Variants in NEMP2 observed in about 807,000 individuals in gnomAD.
The protein encoded by NEMP2 is nuclear envelope integral membrane protein 2.
Under a neutral mutation model 54.2 loss-of-function variants are expected in NEMP2, and 53 were observed. The ratio of observed to expected loss-of-function variants is 0.98; its 90% confidence interval spans 0.78 to 1.23. The LOEUF (loss-of-function observed/expected upper bound fraction) is 1.23, where lower values mean the gene tolerates loss of function less well. NEMP2 is among the 50% of genes most tolerant of loss of function. The pLI, the probability that NEMP2 is intolerant of heterozygous loss-of-function variation, is 0.00. For missense variants in NEMP2, 455 were observed against 511.3 expected, an observed-to-expected ratio of 0.89 and a Z score of 1.06; for synonymous variants, 197 against 190.3, an observed-to-expected ratio of 1.04 and a Z score of -0.29.
the NEMP2 span, among the ~76,000 whole-genome samples, chr2:190,430,798 G>GC: frequency 1.9e-3 from 226 of 121,288 alleles, no homozygotes; most frequent in African/African-American, 4.2e-3. Flanking sequence ...GGGCAGAGGC[G>GC]CCCCCCCCAC....
At chr2:190,595,626 T>C in the NEMP2 span, among the ~76,000 whole-genome samples, 4 of 152,190 alleles carry the variant, frequency 2.6e-5, no homozygotes, top group Non-Finnish European at 5.9e-5. This position sits in a 1 kb window ranked among gnomAD's most constrained non-coding sequence, Gnocchi z 4.0. Context: ...AAGACATTTA[T>C]GTGGCCAACA....
chr2:190,497,820 A>C, the NEMP2 span: 306 of 1,370,636 alleles, frequency 2.2e-4, 2 homozygotes, highest in Middle Eastern at 3.6e-3. The surrounding 1 kb of genome is among the most constrained non-coding windows in gnomAD (Gnocchi z 5.2). Context: ...AGATTTATTG[A>C]AAGTCTGGTG....
At chr2:190,587,611 G>C in the NEMP2 span, among the ~76,000 whole-genome samples, 1 of 152,164 alleles carries the variant, frequency 6.6e-6, no homozygotes, top group Non-Finnish European at 1.5e-5. The surrounding 1 kb of genome is among the most constrained non-coding windows in gnomAD (Gnocchi z 5.4). Flanking sequence ...GAAGAGGAAA[G>C]ATGAGTAGTC....
the NEMP2 span, among the ~76,000 whole-genome samples, chr2:190,644,231 A>G: frequency 6.6e-6 from 1 of 152,228 alleles, no homozygotes; most frequent in Non-Finnish European, 1.5e-5. The surrounding 1 kb of genome is among the most constrained non-coding windows in gnomAD (Gnocchi z 4.4). Context: ...ACTGGCACCA[A>G]TTTAAATTTC....
intron 1 of NEMP2, chr2:190,534,222 G>C: frequency 9.2e-7 from 1 of 1,082,804 alleles, no homozygotes; most frequent in Non-Finnish European, 1.1e-6. Flanking sequence ...ACTAGGGTCA[G>C]CTGTGCCAGT....
the NEMP2 span, among the ~76,000 whole-genome samples, chr2:190,482,964 T>C: frequency 7.4e-6 from 1 of 135,836 alleles, no homozygotes; most frequent in Non-Finnish European, 1.5e-5. Flanking sequence ...CAATCTCGGC[T>C]CACTGCAAGC....
the NEMP2 span, among the ~76,000 whole-genome samples, chr2:190,490,987 G>T: frequency 6.6e-6 from 1 of 152,160 alleles, no homozygotes; most frequent in Non-Finnish European, 1.5e-5. The surrounding 1 kb of genome is among the most constrained non-coding windows in gnomAD (Gnocchi z 4.5). Flanking sequence ...CTCAGTCCAT[G>T]CCTCATGTAA....
chr2:190,537,931 C>G (rs1457275220), upstream of NEMP2, among the ~76,000 whole-genome samples: 1 of 152,148 alleles, frequency 6.6e-6, no homozygotes, highest in Non-Finnish European at 1.5e-5. Flanking sequence ...AAACTTCACC[C>G]CATTGGCTCC....
chr2:190,447,745 A>G, the NEMP2 span, among the ~76,000 whole-genome samples: 1 of 152,194 alleles, frequency 6.6e-6, no homozygotes, highest in South Asian at 2.1e-4. The surrounding 1 kb of genome is among the most constrained non-coding windows in gnomAD (Gnocchi z 4.5). Context: ...AGCCCCTTGG[A>G]GCTATTTAAA....
chr2:190,640,113 T>C, the NEMP2 span, among the ~76,000 whole-genome samples: 1 of 152,228 alleles, frequency 6.6e-6, no homozygotes. Context: ...ACCCATAACA[T>C]TATGAGCATT....
chr2:190,545,653 C>T, the NEMP2 span, among the ~76,000 whole-genome samples: 1 of 152,186 alleles, frequency 6.6e-6, no homozygotes, highest in South Asian at 2.1e-4. Context: ...ATTCTTCAAT[C>T]TATTTTCTTT....
the NEMP2 span, among the ~76,000 whole-genome samples, chr2:190,559,826 G>A: frequency 6.6e-6 from 1 of 152,202 alleles, no homozygotes; most frequent in Admixed American, 6.5e-5. The surrounding 1 kb of genome is among the most constrained non-coding windows in gnomAD (Gnocchi z 4.0). Context: ...AGTAGGTGAG[G>A]TTTGGCTGCT....
At chr2:190,434,760 G>A in the NEMP2 span, among the ~76,000 whole-genome samples, 4 of 152,086 alleles carry the variant, frequency 2.6e-5, no homozygotes, top group African/African-American at 9.7e-5. This position sits in a 1 kb window ranked among gnomAD's most constrained non-coding sequence, Gnocchi z 4.3. Context: ...AAAGTTTACT[G>A]GCATCTTATC....
At chr2:190,434,053 C>T in the NEMP2 span, among the ~76,000 whole-genome samples, 1 of 151,882 alleles carries the variant, frequency 6.6e-6, no homozygotes, top group Non-Finnish European at 1.5e-5. The surrounding 1 kb of genome is among the most constrained non-coding windows in gnomAD (Gnocchi z 4.3). Context: ...CATGGTGGCA[C>T]ACGTCTGTAG....
chr2:190,520,812 A>G lies in NEMP2; in HGVS notation c.214-1629T>C, dbSNP rs1433365043. ...TCTCACTGTGTGACCACCATCTCCT[A>G]TCTTTCCAGTGTACCCATCTAGTGC... On this transcript the variant is annotated intron_variant, in intron 2 of 8. Coordinates refer to ENST00000409150, the MANE Select transcript of NEMP2 (RefSeq NM_001142645.2). The surrounding 1 kb of genome is among the most constrained non-coding windows in gnomAD (Gnocchi z 5.4). Among the ~76,000 whole-genome samples, 1 of 151,754 alleles carries G rather than the reference A, an allele frequency of 6.6e-6. No individual in the cohort carries two copies. Among genetic ancestry groups the G allele is most frequent in the East Asian group, 1.9e-4 (1 of 5,178 alleles).
chr2:190,436,023 G>T, the NEMP2 span: 6 of 1,599,276 alleles, frequency 3.8e-6, no homozygotes, highest in East Asian at 1.1e-4. This position sits in a 1 kb window ranked among gnomAD's most constrained non-coding sequence, Gnocchi z 5.3. Context: ...GATGGTGGTG[G>T]TAAGCCATGG....
rs111675858 is a variant in NEMP2, at chr2:190,521,477, C to T, written c.214-2294G>A. On this transcript the variant is annotated intron_variant, in intron 2 of 8. Transcript: ENST00000409150. The surrounding 1 kb of genome is among the most constrained non-coding windows in gnomAD (Gnocchi z 6.2). The stretch of plus-strand genomic sequence containing the variant: ...CCCAGCAGCAGTTCTTCCCTCTCTA[C>T]GAGATTATTTCTCTCAGCATACAAC... 6.6e-6 allele frequency among the ~76,000 whole-genome samples: 1 copy of T among 152,194 alleles called. No homozygotes were observed. Among genetic ancestry groups the T allele is most frequent in the Non-Finnish European group, 1.5e-5 (1 of 68,034 alleles).
At position 190,519,951 on chromosome 2, in the gene NEMP2, A is replaced by G. The variant is rs1690697477; in HGVS notation, c.214-768T>C. On this transcript the variant is annotated intron_variant, in intron 2 of 8. Transcript: ENST00000409150. This position sits in a 1 kb window ranked among gnomAD's most constrained non-coding sequence, Gnocchi z 5.4. ...GTCTTTGTGTCAGCATGTTTTAGCAATAAAGTATTTCTTAAATTAAGGTAT... is the reference window on the plus strand; with the variant it reads ...GTCTTTGTGTCAGCATGTTTTAGCAGTAAAGTATTTCTTAAATTAAGGTAT... Among the ~76,000 whole-genome samples the G allele has an allele frequency of 6.6e-6, 1 of 152,228 alleles. No individual in the cohort carries two copies. Among genetic ancestry groups the G allele is most frequent in the South Asian group, 2.1e-4 (1 of 4,830 alleles).
At chr2:190,457,937 T>C in the NEMP2 span, among the ~76,000 whole-genome samples, 905 of 152,280 alleles carry the variant, frequency 5.9e-3, 3 homozygotes, top group Non-Finnish European at 9.8e-3. The surrounding 1 kb of genome is among the most constrained non-coding windows in gnomAD (Gnocchi z 5.1). Context: ...GAAAAGCAAA[T>C]AGCAATTCAT....
Sources: allele counts gnomAD v4.1 joint callset (sites outside exome capture counted in the v4.1 genomes callset), GRCh38; gene constraint gnomAD v4.1.1; non-coding constraint Gnocchi (gnomAD v3.1); transcripts MANE v1.5; gene names NCBI Gene and HGNC (gene_info 2026-07-23, HGNC 2026-07-21).